Variants in NBAS observed in about 807,000 individuals in gnomAD.
The protein encoded by NBAS is NBAS subunit of NRZ tethering complex.
A neutral mutation model predicts 302.5 loss-of-function variants in NBAS; 219 were observed. The ratio of observed to expected loss-of-function variants is 0.72; its 90% confidence interval spans 0.65 to 0.81. NBAS has a LOEUF of 0.81. Among genes scored for constraint, NBAS ranks in the 30% least tolerant of loss-of-function variants. The pLI is 0.00. For synonymous variants in NBAS, 1,118 were observed against 1,021.6 expected (o/e 1.09, Z -1.80); for missense variants, 2,932 against 2,841.6 (o/e 1.03, Z -0.72).
chr2:15,135,489 T>C, the NBAS span, among the ~76,000 whole-genome samples: 767 of 152,176 alleles, frequency 5.0e-3, 12 homozygotes, highest in African/African-American at 0.017. Flanking sequence ...CGAGGTGCAG[T>C]AGCCAAAACA....
the NBAS span, among the ~76,000 whole-genome samples, chr2:14,997,240 A>C: frequency 9.3e-4 from 142 of 152,306 alleles, 1 homozygote; most frequent in South Asian, 1.2e-3. Flanking sequence ...TGGGTGATGA[A>C]ATAATCTGTA....
At chr2:15,482,647 T>TGACAAAAGGCAAGC (rs1170505048) in intron 12 of NBAS, among the ~76,000 whole-genome samples, 2 of 151,250 alleles carry the variant, frequency 1.3e-5, no homozygotes, top group East Asian at 1.9e-4. Flanking sequence ...CTGGAACAAC[T>TGACAAAAGGCAAGC]GACAAAAGGC....
At chr2:15,390,234 G>A (rs890441381) in intron 28 of NBAS, among the ~76,000 whole-genome samples, 3 of 152,108 alleles carry the variant, frequency 2.0e-5, no homozygotes, top group African/African-American at 7.2e-5. Context: ...GCCCTAGAAG[G>A]AGCTCTTCCT....
chr2:14,885,743 C>T, the NBAS span, among the ~76,000 whole-genome samples: 15 of 151,928 alleles, frequency 9.9e-5, no homozygotes, highest in Non-Finnish European at 2.1e-4. Context: ...CAGAGGCCTA[C>T]GAGGTAGTAG....
At chr2:15,475,986 T>G in intron 13 of NBAS, 106 bp from the exon 14 acceptor site, 1 of 898,904 alleles carries the variant, frequency 1.1e-6, no homozygotes, top group Non-Finnish European at 1.7e-6. Context: ...TCTACATTAT[T>G]TGGGCCCTAA....
the NBAS span, among the ~76,000 whole-genome samples, chr2:14,944,266 T>C: frequency 6.6e-6 from 1 of 152,130 alleles, no homozygotes; most frequent in African/African-American, 2.4e-5. Flanking sequence ...ATCGCACCAC[T>C]GCCCTCCAGC....
At chr2:14,935,493 A>G in the NBAS span, among the ~76,000 whole-genome samples, 11 of 152,122 alleles carry the variant, frequency 7.2e-5, no homozygotes, top group Admixed American at 4.6e-4. Flanking sequence ...TATGCTATCA[A>G]ATTTGTCTCA....
At chr2:15,130,043 T>C in the NBAS span, among the ~76,000 whole-genome samples, 1 of 152,190 alleles carries the variant, frequency 6.6e-6, no homozygotes, top group Non-Finnish European at 1.5e-5. Flanking sequence ...AAGGAAACCC[T>C]CTACGCATTA....
the NBAS span, among the ~76,000 whole-genome samples, chr2:15,022,022 C>T: frequency 6.6e-6 from 1 of 152,136 alleles, no homozygotes; most frequent in Non-Finnish European, 1.5e-5. Context: ...ACTCTTGAAA[C>T]GTCACTTGAT....
the NBAS span, among the ~76,000 whole-genome samples, chr2:15,034,235 G>GAAAGAAAGAAAGAAAGAAAGAAA: frequency 2.2e-4 from 18 of 81,728 alleles, 1 homozygote; most frequent in East Asian, 1.3e-3. Context: ...AAAGAAAGAA[G>GAAAGAAAGAAAGAAAGAAAGAAA]GAAAGAAAGA....
At chr2:15,425,809 C>T (rs1677443230) in intron 22 of NBAS, among the ~76,000 whole-genome samples, 1 of 152,198 alleles carries the variant, frequency 6.6e-6, no homozygotes, top group Non-Finnish European at 1.5e-5. Context: ...TCCTTCAGTT[C>T]TGCATATTTA....
chr2:15,449,627 C>A (rs1175855763), intron 21 of NBAS, among the ~76,000 whole-genome samples: 1 of 152,030 alleles, frequency 6.6e-6, no homozygotes, highest in Non-Finnish European at 1.5e-5. Context: ...AGAACCCATT[C>A]TATCAAGATC....
chr2:15,420,436 A>T (rs2148470006), intron 23 of NBAS, among the ~76,000 whole-genome samples: 1 of 152,298 alleles, frequency 6.6e-6, no homozygotes, highest in African/African-American at 2.4e-5. Context: ...TTCTGAGCTG[A>T]ACTGTGATAG....
At chr2:15,501,462 T>C (rs1250332866) in intron 11 of NBAS, among the ~76,000 whole-genome samples, 2 of 152,146 alleles carry the variant, frequency 1.3e-5, no homozygotes, top group Non-Finnish European at 2.9e-5. Flanking sequence ...ACACCACTAT[T>C]ATTTGCTGAG....
the NBAS span, among the ~76,000 whole-genome samples, chr2:15,026,850 T>G: frequency 1.3e-5 from 2 of 152,204 alleles, no homozygotes; most frequent in Non-Finnish European, 2.9e-5. Context: ...TGTGTCTACT[T>G]TTATTTTCTT....
At chr2:14,993,163 G>T in the NBAS span, among the ~76,000 whole-genome samples, 1 of 152,074 alleles carries the variant, frequency 6.6e-6, no homozygotes, top group Admixed American at 6.5e-5. Context: ...CACCTCACTG[G>T]ATTCTCACTC....
rs1347435812 is a variant in NBAS at position 15,534,712 on chromosome 2, A to G, written c.648-71T>C. ...ATGAATATCACTAAATACCCAATAA[A>G]ATGTTTAGAATTTAAAAGACAGACA... is the stretch of plus-strand genomic sequence containing the variant. On this transcript the variant is annotated intron_variant, in intron 8 of 51. Transcript: ENST00000281513. The G allele has an allele frequency of 7.9e-6, 9 of 1,143,324 alleles. No individual in the cohort carries two copies. The Middle Eastern group carries it at 7.8e-4, about 100-fold the overall frequency. The allele number at this position is 1,143,324 out of a possible 1,614,324, so 70.8% of individuals were successfully genotyped here. A position where few individuals can be genotyped will look rare whatever the true frequency, so the allele number is the denominator to read the frequency against.
the NBAS span, among the ~76,000 whole-genome samples, chr2:15,083,865 C>A: frequency 6.6e-6 from 1 of 152,134 alleles, no homozygotes; most frequent in African/African-American, 2.4e-5. Context: ...CTTCACTTAC[C>A]CGATCTGCAA....
the NBAS span, among the ~76,000 whole-genome samples, chr2:15,098,266 G>A: frequency 7.5e-5 from 1 of 13,346 alleles, no homozygotes; most frequent in Non-Finnish European, 1.2e-4. Flanking sequence ...ATAATATAGT[G>A]TATACTATAT....
Sources: gnomAD v4.1 joint callset for allele counts (sites outside exome capture counted in the v4.1 genomes callset) on GRCh38, gnomAD v4.1.1 for gene constraint, MANE v1.5 for transcripts, NCBI Gene and HGNC (gene_info 2026-07-23, HGNC 2026-07-21) for gene names.